The following KCNH8 variants were observed in gnomAD, a reference collection of about 807,000 sequenced individuals.
KCNH8 encodes voltage-gated delayed rectifier potassium channel KCNH8.
In KCNH8, 70 loss-of-function variants were observed where a neutral mutation model predicts 103.6. The observed-to-expected ratio is 0.68, with a 90% confidence interval of 0.56 to 0.82. KCNH8 has a LOEUF of 0.82. Among genes scored for constraint, KCNH8 ranks in the 40% least tolerant of loss-of-function variants. The pLI, the probability that KCNH8 is intolerant of heterozygous loss-of-function variation, is 0.00. For missense variants in KCNH8, 1,217 were observed against 1,329.9 expected (o/e 0.92, Z 1.32); for synonymous variants, 498 against 489.4 (o/e 1.02, Z -0.23).
chr3:19,306,211 T>G (rs1327218366), intron 3 of KCNH8, among the ~76,000 whole-genome samples: 1 of 152,070 alleles, frequency 6.6e-6, no homozygotes, highest in Admixed American at 6.6e-5. Context: ...GGATGGCTAT[T>G]ATCAAACTTG....
intron 3 of KCNH8, among the ~76,000 whole-genome samples, chr3:19,308,500 C>T (rs1193512035): frequency 6.6e-6 from 1 of 151,830 alleles, no homozygotes. Context: ...GATGATTCCC[C>T]ACAATCTTCC....
At chr3:19,183,832 A>G (rs1190758599) in intron 1 of KCNH8, among the ~76,000 whole-genome samples, 3 of 152,186 alleles carry the variant, frequency 2.0e-5, no homozygotes, top group Non-Finnish European at 4.4e-5. Context: ...TCAGCATAAG[A>G]AAGAGAAAGA....
At chr3:19,511,889 T>C (rs1360400221) in intron 12 of KCNH8, among the ~76,000 whole-genome samples, 1 of 152,148 alleles carries the variant, frequency 6.6e-6, no homozygotes, top group East Asian at 1.9e-4. Context: ...AGATCTGTTA[T>C]TATACCTGTA....
chr3:19,200,441 A>G (rs1472996292), intron 1 of KCNH8, among the ~76,000 whole-genome samples: 1 of 152,022 alleles, frequency 6.6e-6, no homozygotes, highest in Non-Finnish European at 1.5e-5. Flanking sequence ...AATTTACTGA[A>G]AGCCCTGAAT....
intron 5 of KCNH8, among the ~76,000 whole-genome samples, chr3:19,354,713 C>T (rs2065854502): frequency 6.6e-6 from 1 of 152,116 alleles, no homozygotes; most frequent in African/African-American, 2.4e-5. Flanking sequence ...TTCCTTACAC[C>T]TTATACAAAA....
intron 1 of KCNH8, among the ~76,000 whole-genome samples, chr3:19,202,100 G>C (rs1281622204): frequency 6.6e-6 from 1 of 152,106 alleles, no homozygotes; most frequent in African/African-American, 2.4e-5. Context: ...GGAGAGTTGG[G>C]TTTAAAAATG....
At chr3:19,460,652 G>A (rs774116494) in intron 11 of KCNH8, among the ~76,000 whole-genome samples, 16 of 152,112 alleles carry the variant, frequency 1.1e-4, no homozygotes, top group Non-Finnish European at 2.2e-4. Context: ...TAGGGATCAC[G>A]TCCTTCAAGT....
chr3:19,383,503 C>G (rs2066315083), intron 5 of KCNH8, among the ~76,000 whole-genome samples: 1 of 151,924 alleles, frequency 6.6e-6, no homozygotes, highest in South Asian at 2.1e-4. Context: ...TCCCAAGTAG[C>G]TGGGACTACA....
At chr3:19,493,387 G>GT (rs2068368354) in intron 11 of KCNH8, among the ~76,000 whole-genome samples, 1 of 152,132 alleles carries the variant, frequency 6.6e-6, no homozygotes, top group South Asian at 2.1e-4. Context: ...TTATGGGGCA[G>GT]TTTTCTCCAT....
intron 3 of KCNH8, among the ~76,000 whole-genome samples, chr3:19,306,874 C>T (rs2065136851): frequency 6.6e-6 from 1 of 151,918 alleles, no homozygotes; most frequent in Admixed American, 6.6e-5. Flanking sequence ...TAAGTCTTTT[C>T]TGGATACACA....
chr3:19,449,947 T>C (rs2067420901), intron 8 of KCNH8, among the ~76,000 whole-genome samples, 159 bp from the exon 9 acceptor site: 1 of 152,132 alleles, frequency 6.6e-6, no homozygotes, highest in Non-Finnish European at 1.5e-5. Flanking sequence ...TGTGACACAC[T>C]GTCTGTACCA....
chr3:19,310,848 A>G (rs1308371149), intron 3 of KCNH8, among the ~76,000 whole-genome samples: 2 of 151,918 alleles, frequency 1.3e-5, no homozygotes, highest in Non-Finnish European at 2.9e-5. Context: ...AAAAAATACA[A>G]TTTCTAATAA....
At position 19,450,194 on chromosome 3, in the gene KCNH8, G is replaced by A; in HGVS notation, c.1464G>A (p.Lys488=). 2 of 1,613,552 alleles carry A rather than the reference G, an allele frequency of 1.2e-6. No individual in the cohort carries two copies. The highest frequency in any genetic ancestry group is 1.7e-6 in the Non-Finnish European group (2 of 1,179,724). The change falls in exon 9 of 16, where the codon AAG becomes AAA. Residue 488 remains lysine, a synonymous_variant. Transcript: ENST00000328405. ...SRWSLYHTRT[K]DLKDFIRVHH... ...GGTCCCTCTATCACACTAGAACTAAGGATCTGAAAGATTTCATCCGTGTCC... is the reference window on the plus strand; with the variant it reads ...GGTCCCTCTATCACACTAGAACTAAAGATCTGAAAGATTTCATCCGTGTCC...
At chr3:19,258,941 CTCTCTCTA>C (rs1387457671) in intron 2 of KCNH8, among the ~76,000 whole-genome samples, 214 of 64,456 alleles carry the variant, frequency 3.3e-3, no homozygotes, top group South Asian at 4.9e-3. Flanking sequence ...CTCTCTCTCT[CTCTCTCTA>C]TATATATATA....
At chr3:19,186,017 A>G (rs1011210262) in intron 1 of KCNH8, among the ~76,000 whole-genome samples, 1 of 152,004 alleles carries the variant, frequency 6.6e-6, no homozygotes, top group South Asian at 2.1e-4. Flanking sequence ...TTGTTGGACA[A>G]ACTTTAGTGT....
At chr3:19,393,794 C>T (rs1036386775) in intron 6 of KCNH8, among the ~76,000 whole-genome samples, 3 of 151,986 alleles carry the variant, frequency 2.0e-5, no homozygotes, top group Non-Finnish European at 1.5e-5. Flanking sequence ...GTTCTTCAAG[C>T]GCCCTTAAGA....
chr3:19,463,249 T>C (rs1224515023), intron 11 of KCNH8, among the ~76,000 whole-genome samples: 2 of 152,150 alleles, frequency 1.3e-5, no homozygotes, highest in African/African-American at 4.8e-5. Flanking sequence ...TGTACCTATA[T>C]AATGATAATT....
rs563571980 is a variant in KCNH8 at position 19,285,124 on chromosome 3, AT to A, written c.442+3802del. 6.6e-4 allele frequency among the ~76,000 whole-genome samples: 100 copies of A among 151,708 alleles called. 1 individual carries two copies. The South Asian group carries it at 0.021, about 31-fold the overall frequency. On this transcript the variant is annotated intron_variant, in intron 3 of 15. Coordinates refer to ENST00000328405, the MANE Select transcript of KCNH8 (RefSeq NM_144633.3). ...AAAATAGCCTCAGCAGGGGGCTTTA[AT>A]TTTTTTAGTTAATTAAAATTAAATT...
At chr3:19,366,594 T>A (rs2066014046) in intron 5 of KCNH8, among the ~76,000 whole-genome samples, 1 of 152,040 alleles carries the variant, frequency 6.6e-6, no homozygotes, top group Non-Finnish European at 1.5e-5. Flanking sequence ...GAAAGGGTTT[T>A]TTTCCCTCTT....
Sources: gnomAD v4.1 joint callset for allele counts (sites outside exome capture counted in the v4.1 genomes callset) on GRCh38, gnomAD v4.1.1 for gene constraint, MANE v1.5 for transcripts, NCBI Gene and HGNC (gene_info 2026-07-23, HGNC 2026-07-21) for gene names.